The following GRAMD1B variants were observed in gnomAD, a reference collection of about 807,000 sequenced individuals.
GRAMD1B encodes protein Aster-B.
Under a neutral mutation model 99.7 loss-of-function variants are expected in GRAMD1B, and 37 were observed. That is an observed-to-expected ratio of 0.37 (90% CI 0.29 to 0.49). The LOEUF (loss-of-function observed/expected upper bound fraction) is 0.49. Ranked by LOEUF, GRAMD1B falls within the 20% of genes least tolerant of loss-of-function variation. The probability of loss-of-function intolerance (pLI) is 0.98; values close to 1 mark genes in which losing one functional copy is unlikely to be tolerated. For missense variants in GRAMD1B, 888 were observed against 1,009.2 expected (o/e 0.88, Z 1.63); for synonymous variants, 427 against 387.6 (o/e 1.10, Z -1.19).
Position 123,606,782 on chromosome 11 carries a change from C to T in GRAMD1B, c.1497C>T (p.Ser499=), listed in dbSNP as rs765931007. ...EDIPTELSDS[S]DTHDEGEVQA... The stretch of plus-strand genomic sequence containing the variant: ...TCCCCACTGAGCTCAGTGACTCTTC[C>T]GACACACACGATGAAGGTGGGCATT... Residue 499 remains serine (S), a synonymous_variant, in exon 11 of 20, where the codon TCC becomes TCT. Transcript: ENST00000635736. 32 of 1,613,478 alleles carry T rather than the reference C, an allele frequency of 2.0e-5. No homozygotes were observed. Among genetic ancestry groups the T allele is most frequent in the Admixed American group, 1.2e-4 (7 of 59,988 alleles).
chr11:123,474,597 C>T (rs1246391773), intron 1 of GRAMD1B, among the ~76,000 whole-genome samples: 2 of 152,186 alleles, frequency 1.3e-5, no homozygotes, highest in Non-Finnish European at 2.9e-5. Flanking sequence ...AGAAACAAAG[C>T]CTATGTCCCA....
At chr11:123,375,295 C>G (rs1272104116) in intron 1 of GRAMD1B, among the ~76,000 whole-genome samples, 1 of 152,118 alleles carries the variant, frequency 6.6e-6, no homozygotes, top group East Asian at 1.9e-4. Context: ...TGGTGGCTCA[C>G]ACCTGTTAAT....
At chr11:123,456,886 C>T (rs1950146953) in intron 1 of GRAMD1B, among the ~76,000 whole-genome samples, 1 of 144,124 alleles carries the variant, frequency 6.9e-6, no homozygotes, top group South Asian at 2.2e-4. Context: ...CGCCACTGTA[C>T]TCCAGCCTGG....
At chr11:123,491,217 T>G (rs906433143) in intron 2 of GRAMD1B, among the ~76,000 whole-genome samples, 15 of 152,100 alleles carry the variant, frequency 9.9e-5, no homozygotes, top group Admixed American at 2.0e-4. Context: ...CATGCTAGAG[T>G]AAGATCATCA....
intron 1 of GRAMD1B, among the ~76,000 whole-genome samples, chr11:123,398,118 C>T (rs563174254): frequency 9.2e-5 from 14 of 152,234 alleles, no homozygotes; most frequent in East Asian, 1.9e-4. Flanking sequence ...ATTGCTCAGT[C>T]GTATAGTAAA....
upstream of GRAMD1B, among the ~76,000 whole-genome samples, chr11:123,428,374 G>T (rs1045308642): frequency 2.0e-5 from 3 of 152,202 alleles, no homozygotes; most frequent in African/African-American, 4.8e-5. Context: ...ATGGCAAGGG[G>T]TTTCTGCTTT....
intron 3 of GRAMD1B, among the ~76,000 whole-genome samples, chr11:123,581,468 G>T (rs950514104): frequency 1.3e-5 from 2 of 152,166 alleles, no homozygotes; most frequent in Non-Finnish European, 2.9e-5. Context: ...AGAGCCTTTG[G>T]GACTCATTTC....
intron 2 of GRAMD1B, among the ~76,000 whole-genome samples, chr11:123,549,457 G>A (rs1045868827): frequency 1.3e-5 from 2 of 152,058 alleles, no homozygotes; most frequent in African/African-American, 4.8e-5. Context: ...CAGGAGAACG[G>A]CGTGAACCTG....
chr11:123,395,302 A>G (rs1201233047), intron 1 of GRAMD1B, among the ~76,000 whole-genome samples: 1 of 152,160 alleles, frequency 6.6e-6, no homozygotes, highest in Non-Finnish European at 1.5e-5. Context: ...TCAGCTAAAC[A>G]TAAATAAAAT....
At chr11:123,550,822 C>A (rs956791545) in intron 2 of GRAMD1B, among the ~76,000 whole-genome samples, 11 of 152,146 alleles carry the variant, frequency 7.2e-5, no homozygotes, top group Non-Finnish European at 1.0e-4. Flanking sequence ...TGGTCACTGG[C>A]CTGTCCTAGG....
intron 2 of GRAMD1B, among the ~76,000 whole-genome samples, chr11:123,555,941 C>T (rs539133472): frequency 4.0e-5 from 6 of 151,890 alleles, no homozygotes; most frequent in East Asian, 3.9e-4. Context: ...ACCATGTTGC[C>T]GAGCCTGGTC....
At chr11:123,540,158 T>C (rs1944366780) in intron 2 of GRAMD1B, among the ~76,000 whole-genome samples, 1 of 152,010 alleles carries the variant, frequency 6.6e-6, no homozygotes, top group Non-Finnish European at 1.5e-5. Flanking sequence ...CTTGACCTCC[T>C]GGGCTCAAGT....
At position 123,577,433 on chromosome 11, in the gene GRAMD1B, G is replaced by T; in HGVS notation, c.519G>T (p.Ser173=). Residue 173 remains serine, a synonymous_variant, in exon 3 of 20, where the codon TCG becomes TCT. Coordinates refer to ENST00000635736, the MANE Select transcript of GRAMD1B (RefSeq NM_001387025.1). Reference sequence around the variant, plus strand: ...CCATCCTCCGGAAGCGGTCTCGCTCGCCAACCCCGCAGAACCAGGACGGAG... The same window carrying T: ...CCATCCTCCGGAAGCGGTCTCGCTCTCCAACCCCGCAGAACCAGGACGGAG... ...CSPILRKRSR[S]PTPQNQDGDT... The T allele has an allele frequency of 1.2e-6, 2 of 1,601,584 alleles. No homozygotes were observed. The highest frequency in any genetic ancestry group is 1.3e-5 in the African/African-American group (1 of 74,764).
chr11:123,366,369 TA>T (rs1223351207), intron 1 of GRAMD1B, among the ~76,000 whole-genome samples: 20 of 152,388 alleles, frequency 1.3e-4, no homozygotes, highest in African/African-American at 4.8e-4. Flanking sequence ...AAATTAGGTT[TA>T]AAACATAATT....
At chr11:123,406,016 C>CTTTTTTTTTTTTTT (rs72167101) in intron 1 of GRAMD1B, among the ~76,000 whole-genome samples, 1 of 139,964 alleles carries the variant, frequency 7.1e-6, no homozygotes, top group Non-Finnish European at 1.6e-5. Flanking sequence ...AACATTATTC[C>CTTTTTTTTTTTTTT]TTTTTTTTTT....
At chr11:123,619,550 C>T (rs1042114651) in intron 19 of GRAMD1B, 3 of 1,186,856 alleles carry the variant, frequency 2.5e-6, no homozygotes, top group Admixed American at 3.8e-5. Flanking sequence ...ACAGAGAACC[C>T]CCTCAGCCCT....
At chr11:123,586,854 T>C (rs1950128897) in intron 4 of GRAMD1B, among the ~76,000 whole-genome samples, 1 of 152,194 alleles carries the variant, frequency 6.6e-6, no homozygotes, top group Non-Finnish European at 1.5e-5. Flanking sequence ...TCTCTCCGGA[T>C]CCCAGGGTCA....
intron 1 of GRAMD1B, among the ~76,000 whole-genome samples, chr11:123,441,267 C>G (rs1949393611): frequency 6.6e-6 from 1 of 152,046 alleles, no homozygotes; most frequent in Admixed American, 6.6e-5. Context: ...AAGAATGGCA[C>G]CAAACCTTTC....
intron 1 of GRAMD1B, among the ~76,000 whole-genome samples, chr11:123,464,572 A>C (rs12272364): frequency 1.6e-4 from 24 of 152,226 alleles, no homozygotes; most frequent in Non-Finnish European, 3.1e-4. Flanking sequence ...AGTAGTTTTC[A>C]AACCTGAGAT....
Sources: gnomAD v4.1 joint callset for allele counts (sites outside exome capture counted in the v4.1 genomes callset) on GRCh38, gnomAD v4.1.1 for gene constraint, MANE v1.5 for transcripts, NCBI Gene and HGNC (gene_info 2026-07-23, HGNC 2026-07-21) for gene names.